The following IFI16 variants were observed in gnomAD, a reference collection of about 807,000 sequenced individuals.
IFI16 encodes interferon gamma inducible protein 16, also known as gamma-interferon-inducible protein 16.
A neutral mutation model predicts 68.4 loss-of-function variants in IFI16; 49 were observed. The ratio of observed to expected loss-of-function variants is 0.72; its 90% CI spans 0.57 to 0.91. The LOEUF (loss-of-function observed/expected upper bound fraction) is 0.91. IFI16 is among the 40% of genes least tolerant of loss of function. The pLI is 0.00. For synonymous variants in IFI16, 307 were observed against 315.0 expected (o/e 0.97, Z 0.27); for missense variants, 878 against 942.9 (o/e 0.93, Z 0.90).
chr1:159,012,880 A>G (rs534671566), intron 1 of IFI16, among the ~76,000 whole-genome samples: 1 of 152,328 alleles, frequency 6.6e-6, no homozygotes, highest in African/African-American at 2.4e-5. Flanking sequence ...AAAACTTTCC[A>G]TTGAAAATTT....
At chr1:159,053,256 G>C (rs1655469539) in intron 10 of IFI16, 2 of 261,272 alleles carry the variant, frequency 7.7e-6, no homozygotes, top group South Asian at 2.0e-4. Flanking sequence ...TCCCAGCTGT[G>C]CTGATGTGGA....
At position 159,050,025 on chromosome 1, in the gene IFI16, C is replaced by T. The variant is rs1331475386; in HGVS notation, c.1665+426C>T. ...ATAAGCAAAAATAACTTTTAACTGT[C>T]AGAAATCTCTATCTAATGCCACATT... On this transcript the variant is annotated intron_variant, in intron 9 of 11. Coordinates refer to ENST00000295809, the MANE Select transcript of IFI16 (RefSeq NM_001376587.1). Among the ~76,000 whole-genome samples the T allele has an allele frequency of 1.3e-5, 2 of 152,254 alleles. 1 individual carries two copies. Among genetic ancestry groups the T allele is most frequent in the Admixed American group, 1.3e-4 (2 of 15,294 alleles).
At chr1:159,041,857 A>G (rs761955110) in intron 7 of IFI16, among the ~76,000 whole-genome samples, 1 of 152,142 alleles carries the variant, frequency 6.6e-6, no homozygotes, top group Admixed American at 6.5e-5. Flanking sequence ...GCCCATACCT[A>G]CTCGTTAATA....
chr1:159,019,275 A>G (rs2101826452), intron 5 of IFI16, among the ~76,000 whole-genome samples: 1 of 151,902 alleles, frequency 6.6e-6, no homozygotes, highest in East Asian at 1.9e-4. Context: ...AAAAAAAAAT[A>G]GAGTACAGAG....
intron 6 of IFI16, among the ~76,000 whole-genome samples, chr1:159,028,397 T>C (rs1009668927): frequency 3.3e-5 from 5 of 152,186 alleles, no homozygotes; most frequent in Admixed American, 3.3e-4. Context: ...TTTCAATTTT[T>C]TTTTTAAATT....
chr1:159,051,568 A>C (rs1655357966), intron 9 of IFI16, 111 bp from the exon 10 acceptor site: 1 of 774,584 alleles, frequency 1.3e-6, no homozygotes, highest in South Asian at 1.8e-5. Flanking sequence ...TACTTTACCC[A>C]GTTAAGGTGA....
chr1:159,036,253 C>G (rs1218001256), intron 7 of IFI16, among the ~76,000 whole-genome samples: 1 of 152,150 alleles, frequency 6.6e-6, no homozygotes, highest in Non-Finnish European at 1.5e-5. Context: ...CTATTCTCAG[C>G]CTCATTTTAC....
Position 159,030,467 on chromosome 1 carries a change from A to AT in IFI16, c.1162-2049dup, listed in dbSNP as rs58280758. Among the ~76,000 whole-genome samples, 26 of 151,902 alleles carry AT rather than the reference A, an allele frequency of 1.7e-4. No homozygotes were observed. In the East Asian group the frequency reaches 3.9e-3, roughly 23 times the overall value. On this transcript the variant is annotated intron_variant, in intron 6 of 11. Coordinates refer to ENST00000295809, the MANE Select transcript of IFI16 (RefSeq NM_001376587.1). ...CTGGGACTCAAGGGCTGCTGTTAGG[A>AT]TTTTTTTTGTCCCACAGGGTGCTCC...
intron 4 of IFI16, among the ~76,000 whole-genome samples, chr1:159,017,361 A>G (rs1652998601): frequency 6.6e-6 from 1 of 152,190 alleles, no homozygotes; most frequent in Non-Finnish European, 1.5e-5. Flanking sequence ...AATCTTGGGT[A>G]GGAACACTAT....
At chr1:159,030,962 G>C (rs1557872369) in intron 6 of IFI16, among the ~76,000 whole-genome samples, 1 of 152,074 alleles carries the variant, frequency 6.6e-6, no homozygotes. Flanking sequence ...GGTGGGGGCA[G>C]GGTTAGGTGT....
intron 7 of IFI16, among the ~76,000 whole-genome samples, chr1:159,039,108 G>A (rs1299600524): frequency 6.6e-6 from 1 of 152,160 alleles, no homozygotes; most frequent in Non-Finnish European, 1.5e-5. Context: ...GCTTAACCAA[G>A]TTGGCCTAGA....
chr1:159,010,977 T>A (rs536326703), intron 1 of IFI16, among the ~76,000 whole-genome samples: 1 of 152,374 alleles, frequency 6.6e-6, no homozygotes, highest in East Asian at 1.9e-4. Flanking sequence ...TTTCAGAATT[T>A]TATTAGATAA....
At chr1:159,032,774 T>C in intron 7 of IFI16, 83 bp downstream of exon 7, 1 of 1,040,528 alleles carries the variant, frequency 9.6e-7, no homozygotes, top group East Asian at 2.7e-5. Flanking sequence ...GCTACTGCTG[T>C]AATCTCTGTG....
chr1:159,053,498 A>G, intron 10 of IFI16, 35 bp from the exon 11 acceptor site: 1 of 1,426,838 alleles, frequency 7.0e-7, no homozygotes, highest in South Asian at 1.2e-5. Context: ...TTATTGATCC[A>G]GTTTCAGAAG....
Position 159,045,436 on chromosome 1 carries a change from C to G in IFI16, c.1469C>G (p.Ser490Ter), listed in dbSNP as rs1239366792. 1.3e-6 allele frequency: 2 copies of G among 1,590,188 alleles called. No homozygotes were observed. Among genetic ancestry groups the G allele is most frequent in the Admixed American group, 3.5e-5 (2 of 56,876 alleles). Residue 490 changes from serine to a stop codon, truncating the protein, a stop_gained, in exon 8 of 12, where the codon TCA becomes TGA. Transcript: ENST00000295809. LOFTEE classifies it high-confidence loss of function. ...SHPHTPQMPPSTPSSSFLTTK... is the reference protein window; with the variant it reads ...SHPHTPQMPP ...CCCCACACTCCTCAGATGCCTCCAT[C>G]AACACCAAGCAGCAGTTTCTTAACC...
upstream of IFI16, among the ~76,000 whole-genome samples, chr1:159,006,218 A>C (rs1216250411): frequency 6.6e-6 from 1 of 152,212 alleles, no homozygotes; most frequent in Non-Finnish European, 1.5e-5. Flanking sequence ...GAGACGGCTA[A>C]TGCTCAAAAT....
rs770614887 is a variant in IFI16, at chr1:159,032,557, C to G, written c.1195C>G (p.Pro399Ala). The G allele has an allele frequency of 6.2e-7, 1 of 1,608,376 alleles. No individual in the cohort carries two copies. The change falls in exon 7 of 12, where the codon CCC becomes GCC. Residue 399 changes from proline (P) to alanine (A), a missense_variant. By Grantham distance (27) the Pro-to-Ala change is conservative. Around this residue, in one of 4 missense-constraint regions of IFI16, gnomAD observed 443 missense variants for 421.8 expected, o/e 1.05. Transcript: ENST00000295809. ...AAAAACAAACCCGAGAAACAATGAC[C>G]CCAAGAGCATGAAGCTACCCCAGGA... ...KKKTNPRNND[P>A]KSMKLPQEQR...
chr1:159,002,541 G>A (rs1652099630), upstream of IFI16, among the ~76,000 whole-genome samples: 2 of 150,528 alleles, frequency 1.3e-5, no homozygotes, highest in South Asian at 4.5e-4. Flanking sequence ...AAAATAGCAC[G>A]ATACCGTTAC....
intron 5 of IFI16, among the ~76,000 whole-genome samples, chr1:159,019,500 C>T (rs1189435883): frequency 4.0e-5 from 6 of 151,668 alleles, no homozygotes; most frequent in Non-Finnish European, 8.8e-5. Flanking sequence ...TCTCTGTCGC[C>T]CAGGTTGGAG....
Sources: allele counts gnomAD v4.1 joint callset (sites outside exome capture counted in the v4.1 genomes callset), GRCh38; gene constraint gnomAD v4.1.1; regional missense constraint gnomAD v4.1.1; transcripts MANE v1.5; gene names NCBI Gene and HGNC (gene_info 2026-07-23, HGNC 2026-07-21).